RFX3: variants seen among roughly 807,000 people sequenced by gnomAD.
RFX3 encodes transcription factor RFX3.
RFX3 carries 14 observed loss-of-function variants against 98.6 expected under a neutral mutation model. That is an observed-to-expected ratio of 0.14 (90% CI 0.09 to 0.22). The LOEUF is 0.22. Among genes scored for constraint, RFX3 ranks in the 10% least tolerant of loss-of-function variants. The pLI, the probability that RFX3 is intolerant of heterozygous loss-of-function variation, is 1.00. For missense variants in RFX3, 639 were observed against 926.9 expected (o/e 0.69, Z 4.03); for synonymous variants, 383 against 328.4 (o/e 1.17, Z -1.80).
At position 3,525,957 on chromosome 9, in the gene RFX3, C is replaced by T; in HGVS notation, c.-219G>A. The T allele has an allele frequency of 2.3e-6, 1 of 438,178 alleles. No individual in the cohort carries two copies. The highest frequency in any genetic ancestry group is 2.8e-6 in the Non-Finnish European group (1 of 351,120). 27.1% of individuals were successfully genotyped at this position (438,178 alleles called of 1,614,324 possible). On this transcript the variant is annotated 5_prime_UTR_variant, in exon 1 of 17. Transcript: ENST00000617270. ...GAGAGAGAGGGAGAGAGAGAGAGAG[C>T]GAGAGGGAGAGGGAGACACTCGCAC...
At chr9:3,389,011 G>C (rs1462739842) in intron 2 of RFX3, among the ~76,000 whole-genome samples, 1 of 151,962 alleles carries the variant, frequency 6.6e-6, no homozygotes, top group African/African-American at 2.4e-5. Context: ...TTAAAAGGGA[G>C]GAAAAAAATC....
At chr9:3,353,060 A>C (rs920966768) in intron 2 of RFX3, among the ~76,000 whole-genome samples, 1 of 152,024 alleles carries the variant, frequency 6.6e-6, no homozygotes, top group Non-Finnish European at 1.5e-5. Flanking sequence ...ACATGGATGA[A>C]ACTGGAAATC....
intron 1 of RFX3, among the ~76,000 whole-genome samples, chr9:3,482,767 A>G (rs1458649944): frequency 2.0e-5 from 3 of 152,220 alleles, no homozygotes; most frequent in Non-Finnish European, 4.4e-5. Flanking sequence ...ACAGATATGT[A>G]TAAGTGTTAC....
At chr9:3,495,676 C>T (rs910838385) in intron 1 of RFX3, among the ~76,000 whole-genome samples, 4 of 151,986 alleles carry the variant, frequency 2.6e-5, no homozygotes, top group African/African-American at 7.2e-5. Flanking sequence ...TCACTTTAGC[C>T]TGGTTTTCTT....
At chr9:3,515,874 A>T (rs2133876742) in intron 1 of RFX3, among the ~76,000 whole-genome samples, 1 of 152,294 alleles carries the variant, frequency 6.6e-6, no homozygotes, top group South Asian at 2.1e-4. Context: ...TAAATTTTTT[A>T]AATCAATAAT....
intron 1 of RFX3, among the ~76,000 whole-genome samples, chr9:3,513,732 T>A (rs562350897): frequency 6.6e-6 from 1 of 152,294 alleles, no homozygotes; most frequent in African/African-American, 2.4e-5. Flanking sequence ...CAGTCCATAG[T>A]CATTTGCATT....
intron 3 of RFX3, among the ~76,000 whole-genome samples, chr9:3,343,491 G>C (rs1292907184): frequency 1.3e-5 from 2 of 152,030 alleles, no homozygotes; most frequent in Admixed American, 6.6e-5. Flanking sequence ...GTCATAGAAA[G>C]ACCCTAAAAT....
intron 1 of RFX3, among the ~76,000 whole-genome samples, chr9:3,453,319 T>C (rs918792165): frequency 2.0e-5 from 3 of 151,940 alleles, no homozygotes; most frequent in Non-Finnish European, 2.9e-5. Flanking sequence ...TAAATACTTA[T>C]CACTAACTAA....
At chr9:3,345,663 G>A (rs532365019) in intron 3 of RFX3, among the ~76,000 whole-genome samples, 24 of 152,186 alleles carry the variant, frequency 1.6e-4, no homozygotes, top group African/African-American at 5.1e-4. Flanking sequence ...GAATATTTAA[G>A]TACATTGGTC....
At chr9:3,283,742 A>G (rs920736332) in intron 7 of RFX3, among the ~76,000 whole-genome samples, 2 of 151,734 alleles carry the variant, frequency 1.3e-5, no homozygotes, top group African/African-American at 2.4e-5. Flanking sequence ...ACAGAATCCA[A>G]TTGCTGTGAA....
intron 1 of RFX3, among the ~76,000 whole-genome samples, chr9:3,420,041 G>C (rs995630248): frequency 6.6e-6 from 1 of 152,186 alleles, no homozygotes; most frequent in African/African-American, 2.4e-5. Context: ...GCACAGGAGG[G>C]AGACTAGCTA....
Position 3,524,442 on chromosome 9 carries a change from C to T in RFX3, c.-9+1305G>A, listed in dbSNP as rs114392672. On this transcript the variant is annotated intron_variant, in intron 1 of 16. Coordinates refer to ENST00000617270, the MANE Select transcript of RFX3 (RefSeq NM_001282116.2). Reference sequence around the variant, plus strand: ...AAAGAATATGTTAAGTACACACATGCCTAGATCTTAACCAGAAAGAAAGTG... The same window carrying T: ...AAAGAATATGTTAAGTACACACATGTCTAGATCTTAACCAGAAAGAAAGTG... 6.5e-4 allele frequency: 534 copies of T among 819,246 alleles called. 1 individual carries two copies. The African/African-American group carries it at 8.1e-3, about 12-fold the overall frequency. The allele number at this position is 819,246 out of a possible 1,614,324, so 50.7% of individuals were successfully genotyped here.
intron 1 of RFX3, among the ~76,000 whole-genome samples, chr9:3,445,018 T>G (rs997739436): frequency 6.6e-6 from 1 of 152,172 alleles, no homozygotes; most frequent in Admixed American, 6.6e-5. Flanking sequence ...AGATAGTTTG[T>G]ACTTGGGGAG....
chr9:3,467,028 T>TTATATATA (rs138952591), intron 1 of RFX3, among the ~76,000 whole-genome samples: 2 of 98,850 alleles, frequency 2.0e-5, no homozygotes, highest in African/African-American at 1.2e-4. Context: ...ATCTAAAGAA[T>TTATATATA]TATATATATA....
intron 1 of RFX3, among the ~76,000 whole-genome samples, chr9:3,504,079 C>A (rs1252259823): frequency 6.8e-6 from 1 of 146,498 alleles, no homozygotes; most frequent in Non-Finnish European, 1.5e-5. Context: ...GGCTCGATTC[C>A]TTAGTTTTGA....
At chr9:3,408,898 A>G (rs1842225934) in intron 1 of RFX3, among the ~76,000 whole-genome samples, 1 of 152,222 alleles carries the variant, frequency 6.6e-6, no homozygotes, top group African/African-American at 2.4e-5. Flanking sequence ...TACTTTGCCA[A>G]AAATAAACTT....
At chr9:3,392,793 C>T (rs1276244902) in intron 2 of RFX3, among the ~76,000 whole-genome samples, 1 of 151,950 alleles carries the variant, frequency 6.6e-6, no homozygotes, top group Non-Finnish European at 1.5e-5. Context: ...TTGTCCATGG[C>T]AATCCTGCAA....
intron 1 of RFX3, among the ~76,000 whole-genome samples, chr9:3,476,500 A>G (rs1849268527): frequency 6.6e-6 from 1 of 152,176 alleles, no homozygotes; most frequent in Non-Finnish European, 1.5e-5. Context: ...GACAGCAATC[A>G]CCATTAAGAT....
chr9:3,358,837 T>C (rs1381777319), intron 2 of RFX3, among the ~76,000 whole-genome samples: 1 of 152,052 alleles, frequency 6.6e-6, no homozygotes. Context: ...CTTCACATGA[T>C]GGCAGGAAGA....
Sources: allele counts gnomAD v4.1 joint callset (sites outside exome capture counted in the v4.1 genomes callset), GRCh38; gene constraint gnomAD v4.1.1; transcripts MANE v1.5; gene names NCBI Gene and HGNC (gene_info 2026-07-23, HGNC 2026-07-21).